DAB1: variants seen among roughly 807,000 people sequenced by gnomAD.
DAB1 encodes disabled homolog 1.
DAB1 carries 15 observed loss-of-function variants against 64.6 expected under a neutral mutation model. That is an observed-to-expected ratio of 0.23 (90% CI 0.16 to 0.36). DAB1 has a LOEUF of 0.36. DAB1 is among the 10% of genes least tolerant of loss of function. The pLI is 1.00. For synonymous variants in DAB1, 235 were observed against 251.9 expected (o/e 0.93, Z 0.64); for missense variants, 596 against 706.7 (o/e 0.84, Z 1.78).
At chr1:58,532,384 T>C (rs1172237632) in intron 1 of DAB1, among the ~76,000 whole-genome samples, 4 of 152,238 alleles carry the variant, frequency 2.6e-5, no homozygotes, top group Non-Finnish European at 5.9e-5. Flanking sequence ...ACAAATGTAC[T>C]GAATAGTAAC....
At chr1:57,532,600 T>C (rs1412761128) in intron 7 of DAB1, among the ~76,000 whole-genome samples, 1 of 152,186 alleles carries the variant, frequency 6.6e-6, no homozygotes, top group East Asian at 1.9e-4. Flanking sequence ...TCTATCCTGT[T>C]TGTGATATGC....
At chr1:58,438,307 T>G (rs542009657) in intron 3 of DAB1, among the ~76,000 whole-genome samples, 15 of 152,334 alleles carry the variant, frequency 9.8e-5, no homozygotes, top group Non-Finnish European at 1.9e-4. Flanking sequence ...TAGGTTGCAT[T>G]GAGAACAAAT....
chr1:57,073,970 G>A (rs796173447), intron 4 of DAB1, among the ~76,000 whole-genome samples: 8 of 152,194 alleles, frequency 5.3e-5, no homozygotes, highest in South Asian at 2.1e-4. Context: ...TTCACCTCCC[G>A]AGCTCAAGTG....
At chr1:58,061,238 G>A (rs568804761) in intron 5 of DAB1, among the ~76,000 whole-genome samples, 27 of 152,308 alleles carry the variant, frequency 1.8e-4, no homozygotes, top group African/African-American at 6.3e-4. Flanking sequence ...TGAGCAAGTC[G>A]CTTAACCCCT....
At chr1:58,442,164 T>A (rs953530070) in intron 3 of DAB1, among the ~76,000 whole-genome samples, 1 of 152,230 alleles carries the variant, frequency 6.6e-6, no homozygotes, top group African/African-American at 2.4e-5. Context: ...TGTGCATGCA[T>A]GTGCACGTAT....
chr1:57,901,672 G>C (rs545734163), intron 5 of DAB1, among the ~76,000 whole-genome samples: 41 of 152,202 alleles, frequency 2.7e-4, no homozygotes, highest in East Asian at 1.9e-4. Flanking sequence ...GTTTTAAAAG[G>C]AAAGCAGACT....
chr1:58,386,313 G>C (rs1157731236), intron 3 of DAB1, among the ~76,000 whole-genome samples: 2 of 152,142 alleles, frequency 1.3e-5, no homozygotes, highest in Non-Finnish European at 2.9e-5. Flanking sequence ...AGTTTGATAC[G>C]TTCTACACTC....
intron 4 of DAB1, among the ~76,000 whole-genome samples, chr1:58,205,457 T>C (rs1221121506): frequency 6.6e-6 from 1 of 152,248 alleles, no homozygotes; most frequent in African/African-American, 2.4e-5. Flanking sequence ...TCCCTGAAAC[T>C]GCAGCTTGCT....
chr1:58,454,576 G>A (rs1444391535), intron 3 of DAB1, among the ~76,000 whole-genome samples: 1 of 152,144 alleles, frequency 6.6e-6, no homozygotes, highest in Non-Finnish European at 1.5e-5. Flanking sequence ...ACTCAAGGAG[G>A]CAAGGAAAGG....
chr1:57,785,835 A>C (rs1650313184), intron 6 of DAB1, among the ~76,000 whole-genome samples: 1 of 152,236 alleles, frequency 6.6e-6, no homozygotes, highest in South Asian at 2.1e-4. Context: ...TTGATGAAGC[A>C]GTAGCAGGGT....
chr1:58,224,797 C>A (rs868759544), intron 4 of DAB1, among the ~76,000 whole-genome samples: 1 of 149,502 alleles, frequency 6.7e-6, no homozygotes, highest in African/African-American at 2.5e-5. Context: ...TTACACCTTA[C>A]ACAAAAATTA....
At chr1:57,246,427 A>G (rs1022140667) in intron 2 of DAB1, among the ~76,000 whole-genome samples, 7 of 152,252 alleles carry the variant, frequency 4.6e-5, no homozygotes, top group African/African-American at 1.7e-4. Context: ...CTGCAGGTGC[A>G]CAGAAGGCAA....
At chr1:57,361,853 G>T (rs1487885414) in intron 1 of DAB1, among the ~76,000 whole-genome samples, 1 of 152,076 alleles carries the variant, frequency 6.6e-6, no homozygotes, top group Admixed American at 6.6e-5. Flanking sequence ...CCAATACAGA[G>T]ATAAATGAAT....
intron 4 of DAB1, among the ~76,000 whole-genome samples, chr1:58,247,060 A>G (rs1453952236): frequency 1.3e-5 from 2 of 152,138 alleles, no homozygotes; most frequent in African/African-American, 4.8e-5. Context: ...GAGTAACACG[A>G]TCAAAGCCAT....
At chr1:57,246,206 C>T (rs1668861230) in intron 2 of DAB1, among the ~76,000 whole-genome samples, 1 of 152,234 alleles carries the variant, frequency 6.6e-6, no homozygotes, top group South Asian at 2.1e-4. Flanking sequence ...CCTCTCCCAT[C>T]ACAGGCCTAG....
rs367982115 is a variant in DAB1, at chr1:57,494,751, T to C, written n.625+154841A>G. On this transcript the variant is annotated intron_variant and non_coding_transcript_variant, in intron 7 of 20. Transcript: ENST00000485760. ...GTTTCTCGTCTCAATATAATTAGGC[T>C]TGGCTAATTGTCTATCATGATTAAA... 2.0e-3 allele frequency among the ~76,000 whole-genome samples: 304 copies of C among 152,330 alleles called. 2 individuals carry two copies. The highest frequency in any genetic ancestry group is 6.7e-3 in the African/African-American group (279 of 41,590).
intron 6 of DAB1, among the ~76,000 whole-genome samples, chr1:57,813,943 G>T (rs1651742511): frequency 6.6e-6 from 1 of 152,142 alleles, no homozygotes; most frequent in African/African-American, 2.4e-5. Flanking sequence ...AAATATTTTT[G>T]TCCTTTTCAC....
intron 1 of DAB1, among the ~76,000 whole-genome samples, chr1:57,381,143 C>T (rs965117849): frequency 6.6e-6 from 1 of 152,070 alleles, no homozygotes; most frequent in Non-Finnish European, 1.5e-5. Context: ...TACCGTGAGG[C>T]GCTAGTTCTT....
chr1:57,682,950 A>G (rs1392227440), intron 6 of DAB1, among the ~76,000 whole-genome samples: 3 of 152,130 alleles, frequency 2.0e-5, no homozygotes, highest in Admixed American at 2.0e-4. Context: ...GAATGAGTAC[A>G]CAGGACAGCC....
Sources: allele counts gnomAD v4.1 joint callset (sites outside exome capture counted in the v4.1 genomes callset), GRCh38; gene constraint gnomAD v4.1.1; transcripts MANE v1.5; gene names NCBI Gene and HGNC (gene_info 2026-07-23, HGNC 2026-07-21).